Variants in CLEC7A observed in about 807,000 individuals in gnomAD.
CLEC7A encodes the protein C-type lectin domain containing 7A.
A neutral mutation model predicts 26.9 loss-of-function variants in CLEC7A; 25 were observed. That is an observed-to-expected ratio of 0.93 (90% CI 0.68 to 1.30). The LOEUF (loss-of-function observed/expected upper bound fraction) is 1.30, where lower values mean the gene tolerates loss of function less well. Among genes scored for constraint, CLEC7A ranks in the 50% most tolerant of loss-of-function variants. The pLI is 0.00. For synonymous variants in CLEC7A, 100 were observed against 99.5 expected, an observed-to-expected ratio of 1.01 and a Z score of -0.03; for missense variants, 275 against 286.7, an observed-to-expected ratio of 0.96 and a Z score of 0.29.
Position 10,123,242 on chromosome 12 carries a change from T to A in CLEC7A, c.611+3A>T. 6.4e-7 allele frequency: 1 copy of A among 1,570,228 alleles called. No individual in the cohort carries two copies. Among genetic ancestry groups the A allele is most frequent in the Non-Finnish European group, 8.8e-7 (1 of 1,140,064 alleles). On this transcript the variant is annotated splice_donor_region_variant and intron_variant, in intron 5 of 5. Coordinates refer to ENST00000304084, the MANE Select transcript of CLEC7A (RefSeq NM_197947.3). The stretch of plus-strand genomic sequence containing the variant: ...ATGAAGCATTGTCTCTCCAAACACT[T>A]ACAAGTTAGAAGAGAATGTTGATCC...
chr12:10,129,895 G>T, intron 1 of CLEC7A, 85 bp downstream of exon 1: 1 of 768,210 alleles, frequency 1.3e-6, no homozygotes, highest in South Asian at 1.6e-5. Context: ...TGGGATTACA[G>T]GTGTGAGCCA....
chr12:10,123,767 C>CAAAAAAAAAAAA (rs372400404), intron 4 of CLEC7A, among the ~76,000 whole-genome samples: 3,549 of 123,712 alleles, frequency 0.029, 314 homozygotes, highest in African/African-American at 0.15. Flanking sequence ...GACTCCGTCT[C>CAAAAAAAAAAAA]AAAAAAAAAA....
Position 10,118,347 on chromosome 12 carries a change from T to G in CLEC7A, c.*111A>C, listed in dbSNP as rs1947971574. 1.9e-6 allele frequency: 2 copies of G among 1,039,108 alleles called. No homozygotes were observed. Among genetic ancestry groups the G allele is most frequent in the African/African-American group, 1.6e-5 (1 of 60,804 alleles). The allele number at this position is 1,039,108 out of a possible 1,614,324, so 64.4% of individuals were successfully genotyped here. On this transcript the variant is annotated 3_prime_UTR_variant, in exon 6 of 6. Transcript: ENST00000304084. ...TGGTTAAGATTACAGTTGGCCAAGC[T>G]CTCTAAACATTTTCTGCATTTATCT... is the stretch of plus-strand genomic sequence containing the variant.
At position 10,125,535 on chromosome 12, in the gene CLEC7A, T is replaced by C; in HGVS notation, c.341-87A>G. The C allele has an allele frequency of 1.3e-5, 14 of 1,106,278 alleles. No homozygotes were observed. In the South Asian group the frequency reaches 2.6e-4, roughly 20 times the overall value. 68.5% of individuals were successfully genotyped at this position (1,106,278 alleles called of 1,614,324 possible). A position where few individuals can be genotyped will look rare whatever the true frequency, so the allele number is the denominator to read the frequency against. On this transcript the variant is annotated intron_variant, in intron 3 of 5. Coordinates refer to ENST00000304084, the MANE Select transcript of CLEC7A (RefSeq NM_197947.3). ...ACACCATTCATCTTAAGGACACTTA[T>C]GAAATAACCAATTAGTTGCCATTTT...
In CLEC7A at chr12:10,126,719, C is replaced by T; in HGVS notation, c.203-11G>A. On this transcript the variant is annotated splice_polypyrimidine_tract_variant and intron_variant, in intron 2 of 5. Coordinates refer to ENST00000304084, the MANE Select transcript of CLEC7A (RefSeq NM_197947.3). The stretch of plus-strand genomic sequence containing the variant: ...TGGATCTCCAAATAGCTTCACATAC[C>T]AACAATAATAATAGTGACAGAAAAA... 1.3e-6 allele frequency: 2 copies of T among 1,596,624 alleles called. No individual in the cohort carries two copies. Among genetic ancestry groups the T allele is most frequent in the East Asian group, 2.2e-5 (1 of 44,634 alleles).
rs11053595 is a variant in CLEC7A, at chr12:10,118,223, C to T, written c.*235G>A. On this transcript the variant is annotated 3_prime_UTR_variant, in exon 6 of 6. Transcript: ENST00000304084. ...AAAAATAAAAACTCAAGCTTGGCTG[C>T]CCTGATTCCATGTCTAGGGATCTAC... 5 of 467,148 alleles carry T rather than the reference C, an allele frequency of 1.1e-5. No homozygotes were observed. The highest frequency in any genetic ancestry group is 1.9e-5 in the Non-Finnish European group (5 of 267,984). 28.9% of individuals were successfully genotyped at this position (467,148 alleles called of 1,614,324 possible). A position where few individuals can be genotyped will look rare whatever the true frequency, so the allele number is the denominator to read the frequency against.
chr12:10,122,692 T>C (rs1341357217), intron 5 of CLEC7A, among the ~76,000 whole-genome samples: 2 of 152,102 alleles, frequency 1.3e-5, no homozygotes, highest in African/African-American at 2.4e-5. Context: ...GGTTTCACCA[T>C]GTTGGTCAGG....
intron 5 of CLEC7A, 81 bp from the exon 6 acceptor site, chr12:10,118,671 G>A: frequency 8.2e-7 from 1 of 1,213,438 alleles, no homozygotes; most frequent in Non-Finnish European, 1.2e-6. Context: ...AAATTAGTAA[G>A]GATATTGGTG....
rs1280424188 is a variant in CLEC7A, at chr12:10,117,237, A to T, written c.*1221T>A. ...CAGTTTCCCTACAATTACATATTAT[A>T]CAAGATTCTAGGCTGGGTGCAGTGG... On this transcript the variant is annotated 3_prime_UTR_variant, in exon 6 of 6. Transcript: ENST00000304084. The T allele has an allele frequency of 6.6e-6, 1 of 152,218 alleles. No individual in the cohort carries two copies. The highest frequency in any genetic ancestry group is 1.5e-5 in the Non-Finnish European group (1 of 68,046). The allele number at this position is 152,218 out of a possible 1,614,324, so 9.4% of individuals were successfully genotyped here. A position where few individuals can be genotyped will look rare whatever the true frequency, so the allele number is the denominator to read the frequency against.
chr12:10,120,771 T>C (rs1401691223), intron 5 of CLEC7A, among the ~76,000 whole-genome samples: 10 of 149,404 alleles, frequency 6.7e-5, no homozygotes, highest in African/African-American at 2.2e-4. Flanking sequence ...TTTTTTTTTT[T>C]TAATACTGAG....
In CLEC7A at chr12:10,117,608, AAGT is replaced by A. The variant is rs1451086660; in HGVS notation, c.*847_*849del. The A allele has an allele frequency of 1.3e-5, 2 of 152,240 alleles. No individual in the cohort carries two copies. Among genetic ancestry groups the A allele is most frequent in the East Asian group, 1.9e-4 (1 of 5,186 alleles). 9.4% of individuals were successfully genotyped at this position (152,240 alleles called of 1,614,324 possible). A position where few individuals can be genotyped will look rare whatever the true frequency, so the allele number is the denominator to read the frequency against. ...CTGAGCTATTTAATTGATAAAGAAA[AAGT>A]AGGAGTTCCTGCTTTTTACTAAGAT... On this transcript the variant is annotated 3_prime_UTR_variant, in exon 6 of 6. Coordinates refer to ENST00000304084, the MANE Select transcript of CLEC7A (RefSeq NM_197947.3).
At position 10,118,473 on chromosome 12, in the gene CLEC7A, C is replaced by G; in HGVS notation, c.729G>C (p.Lys243Asn). Residue 243 changes from lysine to asparagine, a missense_variant, in exon 6 of 6, where the codon AAG (lysine) becomes AAC (asparagine). By Grantham distance (94) the Lys-to-Asn change is moderately conservative. Coordinates refer to ENST00000304084, the MANE Select transcript of CLEC7A (RefSeq NM_197947.3). ...ACCCTTCCTCTTACATTGAAAACTT[C>G]TTCTCACAAATACTATATGAGGGCA... ...CSVPSYSICE[K>N]KFSM 1 of 1,610,190 alleles carries G rather than the reference C, an allele frequency of 6.2e-7. No homozygotes were observed. The highest frequency in any genetic ancestry group is 1.1e-5 in the South Asian group (1 of 90,942).
Position 10,119,767 on chromosome 12 carries a change from A to G in CLEC7A, c.612-1177T>C, listed in dbSNP as rs565782203. Reference sequence around the variant, plus strand: ...AAATTAATTCTACAAAGATTTTAAGATAAAATGTTAACAACACTATAAAAA... The same window carrying G: ...AAATTAATTCTACAAAGATTTTAAGGTAAAATGTTAACAACACTATAAAAA... On this transcript the variant is annotated intron_variant, in intron 5 of 5. Transcript: ENST00000304084. Among the ~76,000 whole-genome samples, 9 of 152,236 alleles carry G rather than the reference A, an allele frequency of 5.9e-5. 1 individual carries two copies. The South Asian group carries it at 1.9e-3, about 32-fold the overall frequency.
In CLEC7A at chr12:10,123,302, C is replaced by T. The variant is rs548792483; in HGVS notation, c.554G>A (p.Arg185Gln). Residue 185 changes from arginine to glutamine, a missense_variant, in exon 5 of 6, where the codon CGG becomes CAG. Physicochemically the swap from Arg to Gln is conservative, Grantham distance 43. Transcript: ENST00000304084. The part of the protein sequence containing the change: ...PDNSFWIGLS[R>Q]PQTEVPWLWE... ...GAGCCATGGTACCTCAGTCTGGGGC[C>T]GAGAAAGGCCTATCCAAAATGAATT... The T allele has an allele frequency of 2.2e-5, 36 of 1,613,464 alleles. No individual in the cohort carries two copies. In the South Asian group the frequency reaches 3.0e-4, roughly 13 times the overall value.
At chr12:10,127,506 A>G (rs1370841179) in intron 2 of CLEC7A, 1 of 1,491,060 alleles carries the variant, frequency 6.7e-7, no homozygotes, top group East Asian at 2.3e-5. Flanking sequence ...AGATCACCCA[A>G]ATTTCTAATC....
rs1236034283 is a variant in CLEC7A at position 10,120,865 on chromosome 12, G to A, written c.612-2275C>T. Among the ~76,000 whole-genome samples the A allele has an allele frequency of 9.3e-5, 14 of 150,356 alleles. No individual in the cohort carries two copies. In the East Asian group the frequency reaches 2.8e-3, roughly 30 times the overall value. Reference sequence around the variant, plus strand: ...CGTCTCCCGGGTTGAAGCAATTCTGGTGCCTCAACCTCTGAGTAGCTGGGA... The same window carrying A: ...CGTCTCCCGGGTTGAAGCAATTCTGATGCCTCAACCTCTGAGTAGCTGGGA... On this transcript the variant is annotated intron_variant, in intron 5 of 5. Transcript: ENST00000304084.
intron 3 of CLEC7A, chr12:10,126,219 G>T (rs1038742933): frequency 3.1e-6 from 3 of 981,662 alleles, no homozygotes; most frequent in African/African-American, 1.8e-5. Context: ...TAACTGTATC[G>T]CATTTAAAAT....
At chr12:10,123,434 G>T in intron 4 of CLEC7A, 71 bp from the exon 5 acceptor site, 1 of 993,920 alleles carries the variant, frequency 1.0e-6, no homozygotes, top group Non-Finnish European at 1.6e-6. Flanking sequence ...TATCATGGAC[G>T]CTGAGAAAAA....
At chr12:10,127,093 T>C (rs1948315296) in intron 2 of CLEC7A, 2 of 1,355,460 alleles carry the variant, frequency 1.5e-6, no homozygotes, top group South Asian at 2.5e-5. Flanking sequence ...CCAGTACCTA[T>C]AACATAGAAC....
Sources: gnomAD v4.1 joint callset for allele counts (sites outside exome capture counted in the v4.1 genomes callset) on GRCh38, gnomAD v4.1.1 for gene constraint, MANE v1.5 for transcripts, NCBI Gene and HGNC (gene_info 2026-07-23, HGNC 2026-07-21) for gene names.